The following STOX2 variants were observed in gnomAD, a reference collection of about 807,000 sequenced individuals.
STOX2 encodes the protein storkhead box 2, also known as storkhead-box protein 2.
A neutral mutation model predicts 60.9 loss-of-function variants in STOX2; 28 were observed. The ratio of observed to expected loss-of-function variants is 0.46; its 90% confidence interval spans 0.34 to 0.63. The LOEUF (loss-of-function observed/expected upper bound fraction) is 0.63. Ranked by LOEUF, STOX2 falls within the 30% of genes least tolerant of loss-of-function variation. The pLI, the probability that STOX2 is intolerant of heterozygous loss-of-function variation, is 0.01. For missense variants in STOX2, 1,024 were observed against 1,187.7 expected (o/e 0.86, Z 2.03); for synonymous variants, 472 against 463.9 (o/e 1.02, Z -0.22).
At chr4:183,845,776 C>T (rs925471897) in intron 1 of STOX2, among the ~76,000 whole-genome samples, 3 of 152,180 alleles carry the variant, frequency 2.0e-5, no homozygotes, top group Admixed American at 2.0e-4. Flanking sequence ...GATGTGTTCC[C>T]ATTGACATAG....
chr4:183,963,714 C>G (rs1242781380), intron 1 of STOX2, among the ~76,000 whole-genome samples: 1 of 151,466 alleles, frequency 6.6e-6, no homozygotes, highest in Non-Finnish European at 1.5e-5. Context: ...GCGTGAGCCA[C>G]CACACCCGGC....
At chr4:183,805,097 G>T (rs1443887176) in intron 1 of STOX2, among the ~76,000 whole-genome samples, 1 of 152,218 alleles carries the variant, frequency 6.6e-6, no homozygotes, top group East Asian at 1.9e-4. Context: ...ACCCGGGAAA[G>T]TTCGTTATAT....
At chr4:183,929,361 T>G (rs2111112212) in intron 1 of STOX2, among the ~76,000 whole-genome samples, 1 of 152,334 alleles carries the variant, frequency 6.6e-6, no homozygotes, top group South Asian at 2.1e-4. Flanking sequence ...AAGATTTAGA[T>G]AAACGCGTTA....
chr4:183,930,673 G>A (rs1469490601), intron 1 of STOX2, among the ~76,000 whole-genome samples: 3 of 152,162 alleles, frequency 2.0e-5, no homozygotes, highest in Admixed American at 6.5e-5. Flanking sequence ...TTTGTTTCAA[G>A]AAGGAAGTTA....
intron 1 of STOX2, among the ~76,000 whole-genome samples, chr4:183,994,035 A>G (rs1261640718): frequency 6.6e-6 from 1 of 152,250 alleles, no homozygotes; most frequent in Non-Finnish European, 1.5e-5. Flanking sequence ...AATAAATTGA[A>G]TTAAATTGTA....
intron 1 of STOX2, among the ~76,000 whole-genome samples, chr4:183,908,967 A>G (rs918613751): frequency 2.6e-5 from 4 of 152,206 alleles, no homozygotes; most frequent in Non-Finnish European, 5.9e-5. Context: ...AGGGTTGGAT[A>G]TAATACGGTT....
At chr4:183,864,535 A>G (rs1017632088) in intron 1 of STOX2, among the ~76,000 whole-genome samples, 3 of 151,996 alleles carry the variant, frequency 2.0e-5, no homozygotes, top group African/African-American at 4.8e-5. Flanking sequence ...CTGGGATTAC[A>G]GGCGCCCACC....
intron 1 of STOX2, among the ~76,000 whole-genome samples, chr4:183,868,363 C>T (rs1395352346): frequency 3.3e-5 from 5 of 151,920 alleles, no homozygotes; most frequent in Non-Finnish European, 5.9e-5. Context: ...GAGGTTGAGC[C>T]TGCAGTGAGC....
intron 1 of STOX2, among the ~76,000 whole-genome samples, chr4:183,982,635 A>G (rs1732696472): frequency 6.6e-6 from 1 of 152,228 alleles, no homozygotes; most frequent in South Asian, 2.1e-4. Flanking sequence ...TCCAAATGTC[A>G]GGCTACTGCT....
chr4:184,005,770 A>T (rs1027020702), intron 2 of STOX2, among the ~76,000 whole-genome samples: 1 of 152,258 alleles, frequency 6.6e-6, no homozygotes, highest in African/African-American at 2.4e-5. Flanking sequence ...TTAGGGCTTC[A>T]TAATACAATG....
intron 1 of STOX2, chr4:183,798,087 C>T (rs1359446177): frequency 3.2e-5 from 39 of 1,225,338 alleles, no homozygotes; most frequent in Non-Finnish European, 3.7e-5. Context: ...CCGTCCCGTC[C>T]CTTCCCACCG....
At chr4:183,907,180 A>AG (rs535392092) in intron 1 of STOX2, among the ~76,000 whole-genome samples, 64 of 151,998 alleles carry the variant, frequency 4.2e-4, no homozygotes, top group African/African-American at 1.5e-3. Context: ...AAAACGAGGG[A>AG]GGGGGGACGA....
chr4:183,887,084 C>T (rs959158681), intron 1 of STOX2, among the ~76,000 whole-genome samples: 1 of 151,978 alleles, frequency 6.6e-6, no homozygotes, highest in Admixed American at 6.5e-5. Context: ...AATGGTGAAA[C>T]CCTGTCTCTC....
chr4:183,831,699 G>A (rs1003656532), intron 1 of STOX2, among the ~76,000 whole-genome samples: 5 of 152,056 alleles, frequency 3.3e-5, no homozygotes, highest in Non-Finnish European at 7.4e-5. Context: ...TGACCACCAC[G>A]AAGCAATAGA....
chr4:183,913,447 G>C (rs985477036), intron 1 of STOX2, among the ~76,000 whole-genome samples: 10 of 152,008 alleles, frequency 6.6e-5, no homozygotes, highest in African/African-American at 2.4e-4. Context: ...GGGTTGATGT[G>C]GTGATCAAGC....
intron 1 of STOX2, among the ~76,000 whole-genome samples, chr4:183,936,659 A>G (rs1742600963): frequency 6.6e-6 from 1 of 152,214 alleles, no homozygotes; most frequent in African/African-American, 2.4e-5. Flanking sequence ...TAAGAACTTA[A>G]TCACAAAGAA....
intron 1 of STOX2, among the ~76,000 whole-genome samples, chr4:183,803,053 G>T (rs1044305508): frequency 1.3e-5 from 2 of 152,218 alleles, no homozygotes; most frequent in Non-Finnish European, 2.9e-5. Flanking sequence ...AGAAGGCAAG[G>T]AGGAGCAAGT....
rs1021339976 is a variant in STOX2 at position 184,009,708 on chromosome 4, T to C, written c.870T>C (p.Phe290=). Residue 290 remains phenylalanine (F), a synonymous_variant, in exon 3 of 4, where the codon TTT becomes TTC. Transcript: ENST00000308497. The surrounding 1 kb of genome is among the most constrained non-coding windows in gnomAD (Gnocchi z 4.0). ...AGCTGGCCAATTTTTCTGCCCAGTT[T>C]CCTCCTGAAGAGTGGCCCCTGCGAG... ...TKQLANFSAQ[F]PPEEWPLRDE... 1 of 1,613,870 alleles carries C rather than the reference T, an allele frequency of 6.2e-7. No homozygotes were observed. Among genetic ancestry groups the C allele is most frequent in the Non-Finnish European group, 8.5e-7 (1 of 1,179,886 alleles).
chr4:183,824,774 C>T (rs1739382843), intron 1 of STOX2, among the ~76,000 whole-genome samples: 1 of 152,168 alleles, frequency 6.6e-6, no homozygotes, highest in South Asian at 2.1e-4. Context: ...ATGGGAGAGG[C>T]AGGAGACATC....
Sources: allele counts gnomAD v4.1 joint callset (sites outside exome capture counted in the v4.1 genomes callset), GRCh38; gene constraint gnomAD v4.1.1; non-coding constraint Gnocchi (gnomAD v3.1); transcripts MANE v1.5; gene names NCBI Gene and HGNC (gene_info 2026-07-23, HGNC 2026-07-21).